ZNG1E: variants seen among roughly 807,000 people sequenced by gnomAD.
ZNG1E encodes the protein Zn regulated GTPase metalloprotein activator 1E.
At chr9:65,685,125 A>C in the ZNG1E span, among the ~76,000 whole-genome samples, 1 of 152,226 alleles carries the variant, frequency 6.6e-6, no homozygotes, top group African/African-American at 2.4e-5. Context: ...TGTCTAAAAA[A>C]CATACATACC....
chr9:65,684,557 C>A, the ZNG1E span, among the ~76,000 whole-genome samples: 63 of 147,394 alleles, frequency 4.3e-4, no homozygotes, highest in Middle Eastern at 3.5e-3. Context: ...CACGCACACA[C>A]ACACACACAC....
At chr9:65,714,274 T>C in the ZNG1E span, among the ~76,000 whole-genome samples, 2 of 150,168 alleles carry the variant, frequency 1.3e-5, no homozygotes, top group African/African-American at 5.0e-5. Context: ...TTTTCCAAAG[T>C]TTTCAACTTC....
chr9:65,686,880 A>T, the ZNG1E span, among the ~76,000 whole-genome samples: 1 of 152,258 alleles, frequency 6.6e-6, no homozygotes, highest in Non-Finnish European at 1.5e-5. Context: ...AACTGAAGAG[A>T]GTTAGGGTTG....
At chr9:65,690,000 CTA>C in the ZNG1E span, among the ~76,000 whole-genome samples, 1 of 136,460 alleles carries the variant, frequency 7.3e-6, no homozygotes, top group African/African-American at 2.7e-5. Context: ...AATTGGAAAA[CTA>C]TTAAGTTTTT....
the ZNG1E span, chr9:65,675,685 A>T: frequency 3.4e-6 from 2 of 580,522 alleles, no homozygotes; most frequent in Non-Finnish European, 5.9e-6. Flanking sequence ...ACCTTCAGAC[A>T]GGTGGTTAGT....
chr9:65,715,100 G>A, the ZNG1E span, among the ~76,000 whole-genome samples: 1 of 149,506 alleles, frequency 6.7e-6, no homozygotes, highest in South Asian at 2.1e-4. Flanking sequence ...CAATCTCCTG[G>A]TGCGCCGTTT....
the ZNG1E span, among the ~76,000 whole-genome samples, chr9:65,721,733 C>G: frequency 1.3e-5 from 2 of 150,420 alleles, no homozygotes; most frequent in Non-Finnish European, 2.9e-5. Context: ...TGTCACTTTA[C>G]TACTAAATAG....
At chr9:65,662,002 C>T in the ZNG1E span, among the ~76,000 whole-genome samples, 8 of 152,260 alleles carry the variant, frequency 5.3e-5, no homozygotes, top group African/African-American at 1.9e-4. Flanking sequence ...CAAAGTATCT[C>T]CCCATCAGGT....
the ZNG1E span, among the ~76,000 whole-genome samples, chr9:65,717,652 A>T: frequency 6.7e-6 from 1 of 149,428 alleles, no homozygotes; most frequent in Admixed American, 6.6e-5. Flanking sequence ...CAAGGGGAAC[A>T]AATGAAACAA....
the ZNG1E span, among the ~76,000 whole-genome samples, chr9:65,654,144 G>A: frequency 0.049 from 5,734 of 116,264 alleles, no homozygotes; most frequent in East Asian, 0.062. Context: ...CTATTCTCAT[G>A]ATAGTGAGTG....
chr9:65,686,881 G>GTT, the ZNG1E span, among the ~76,000 whole-genome samples: 1 of 152,266 alleles, frequency 6.6e-6, no homozygotes, highest in African/African-American at 2.4e-5. Context: ...ACTGAAGAGA[G>GTT]TTAGGGTTGC....
chr9:65,687,549 C>G, the ZNG1E span, among the ~76,000 whole-genome samples: 1 of 152,244 alleles, frequency 6.6e-6, no homozygotes, highest in South Asian at 2.1e-4. Context: ...GTTTGATTGG[C>G]TGGATTTCTT....
At chr9:65,702,557 T>C in the ZNG1E span, among the ~76,000 whole-genome samples, 1 of 147,606 alleles carries the variant, frequency 6.8e-6, no homozygotes, top group African/African-American at 2.6e-5. Flanking sequence ...TTTTAGTGTG[T>C]ATATAGCCAT....
chr9:65,658,650 A>G, the ZNG1E span, among the ~76,000 whole-genome samples: 1 of 149,922 alleles, frequency 6.7e-6, no homozygotes, highest in Admixed American at 6.7e-5. Flanking sequence ...TAAAATACCG[A>G]TATATTAGTT....
the ZNG1E span, among the ~76,000 whole-genome samples, chr9:65,674,263 TG>T: frequency 6.6e-6 from 1 of 152,112 alleles, no homozygotes; most frequent in Non-Finnish European, 1.5e-5. Context: ...TATACTCATT[TG>T]CACAAATATA....
the ZNG1E span, among the ~76,000 whole-genome samples, chr9:65,667,066 C>A: frequency 2.0e-5 from 3 of 152,260 alleles, no homozygotes; most frequent in Non-Finnish European, 2.9e-5. Flanking sequence ...GGTGATCCAC[C>A]TGTCTTGGTC....
the ZNG1E span, among the ~76,000 whole-genome samples, chr9:65,672,604 C>T: frequency 2.0e-5 from 3 of 151,724 alleles, no homozygotes; most frequent in South Asian, 2.1e-4. Context: ...ATTAGCTGGG[C>T]GTGGTGGTGC....
At chr9:65,691,334 C>T in the ZNG1E span, among the ~76,000 whole-genome samples, 10 of 149,588 alleles carry the variant, frequency 6.7e-5, no homozygotes, top group Admixed American at 1.3e-4. Context: ...CCGCCAGCCT[C>T]GGCCTCCCAA....
chr9:65,694,462 A>G, the ZNG1E span, among the ~76,000 whole-genome samples: 55 of 151,768 alleles, frequency 3.6e-4, no homozygotes, highest in African/African-American at 1.3e-3. Flanking sequence ...AACATTCTGA[A>G]TAATGCAAAC....
Sources: gnomAD v4.1 joint callset for allele counts (sites outside exome capture counted in the v4.1 genomes callset) on GRCh38, gnomAD v4.1.1 for gene constraint, MANE v1.5 for transcripts, NCBI Gene and HGNC (gene_info 2026-07-23, HGNC 2026-07-21) for gene names.